GTF2E2: variants seen among roughly 807,000 people sequenced by gnomAD.
The protein encoded by GTF2E2 is transcription initiation factor IIE subunit beta.
A neutral mutation model predicts 40.5 loss-of-function variants in GTF2E2; 21 were observed. That is an observed-to-expected ratio of 0.52 (90% CI 0.37 to 0.75). The LOEUF (loss-of-function observed/expected upper bound fraction) is 0.75. Among genes scored for constraint, GTF2E2 ranks in the 30% least tolerant of loss-of-function variants. GTF2E2 has a pLI of 0.00. For synonymous variants in GTF2E2, 117 were observed against 121.6 expected (o/e 0.96, Z 0.25); for missense variants, 298 against 338.4 (o/e 0.88, Z 0.94).
chr8:30,653,341 T>C (rs1202757849), intron 2 of GTF2E2, 92 bp downstream of exon 2: 7 of 895,148 alleles, frequency 7.8e-6, no homozygotes, highest in Non-Finnish European at 1.2e-5. Context: ...TCAACATGAG[T>C]GCTGAACTGA....
intron 2 of GTF2E2, among the ~76,000 whole-genome samples, chr8:30,651,640 T>C (rs1444028743): frequency 2.0e-5 from 3 of 152,202 alleles, no homozygotes; most frequent in Non-Finnish European, 4.4e-5. Flanking sequence ...GATCTAATAT[T>C]GTTAAGATGG....
chr8:30,638,677 T>C (rs528920863), intron 2 of GTF2E2: 1 of 152,724 alleles, frequency 6.5e-6, no homozygotes, highest in Non-Finnish European at 1.5e-5. Context: ...GTGGTACATG[T>C]CCTTATGATG....
chr8:30,625,516 G>C (rs571271485), intron 3 of GTF2E2, among the ~76,000 whole-genome samples: 2 of 152,192 alleles, frequency 1.3e-5, no homozygotes, highest in East Asian at 1.9e-4. Context: ...GGCAACGACC[G>C]AACAGCCAAA....
At chr8:30,642,692 C>T (rs948511523) in intron 2 of GTF2E2, among the ~76,000 whole-genome samples, 8 of 152,328 alleles carry the variant, frequency 5.3e-5, no homozygotes, top group African/African-American at 1.9e-4. Context: ...TATACACTAT[C>T]CTACACCTTG....
At chr8:30,644,635 C>T (rs527620912) in intron 2 of GTF2E2, 1 of 152,178 alleles carries the variant, frequency 6.6e-6, no homozygotes, top group African/African-American at 2.4e-5. Context: ...AGAACATAAC[C>T]TTAAAACGCC....
chr8:30,583,822 T>C (rs1828589491), intron 6 of GTF2E2, among the ~76,000 whole-genome samples: 1 of 152,082 alleles, frequency 6.6e-6, no homozygotes, highest in South Asian at 2.1e-4. Flanking sequence ...TTTATTTATT[T>C]TGAGATGGAG....
chr8:30,588,490 T>C (rs1488807537), intron 6 of GTF2E2, among the ~76,000 whole-genome samples: 1 of 152,204 alleles, frequency 6.6e-6, no homozygotes, highest in Non-Finnish European at 1.5e-5. Flanking sequence ...ACCGCATGTT[T>C]TCACCTCTAC....
intron 2 of GTF2E2, among the ~76,000 whole-genome samples, chr8:30,639,045 C>T (rs535467491): frequency 6.6e-6 from 1 of 152,260 alleles, no homozygotes; most frequent in African/African-American, 2.4e-5. Context: ...CAGACTAAAG[C>T]TTTCTGATTC....
intron 6 of GTF2E2, among the ~76,000 whole-genome samples, chr8:30,593,979 G>A (rs2151114166): frequency 6.6e-6 from 1 of 152,114 alleles, no homozygotes; most frequent in Non-Finnish European, 1.5e-5. Flanking sequence ...CACCCAGGCT[G>A]GAGTGCAGTG....
At chr8:30,602,548 G>A (rs1010950192) in intron 6 of GTF2E2, among the ~76,000 whole-genome samples, 15 of 152,046 alleles carry the variant, frequency 9.9e-5, no homozygotes, top group Middle Eastern at 3.4e-3. Context: ...CCTGAGGTCG[G>A]GAGTCTGAGA....
chr8:30,601,503 C>T (rs961175809), intron 6 of GTF2E2, among the ~76,000 whole-genome samples: 17 of 152,098 alleles, frequency 1.1e-4, no homozygotes, highest in African/African-American at 2.9e-4. Context: ...GCCAAGGATG[C>T]TGATCAATGC....
chr8:30,619,890 G>A (rs1380784711), intron 3 of GTF2E2, among the ~76,000 whole-genome samples: 1 of 151,972 alleles, frequency 6.6e-6, no homozygotes, highest in African/African-American at 2.4e-5. Flanking sequence ...ATTAAACCAA[G>A]GATCCAGAGA....
chr8:30,615,984 T>C (rs1457281934), intron 3 of GTF2E2, among the ~76,000 whole-genome samples: 1 of 152,130 alleles, frequency 6.6e-6, no homozygotes, highest in South Asian at 2.1e-4. Flanking sequence ...TGGAATACTA[T>C]CCAGTGCTAA....
intron 3 of GTF2E2, among the ~76,000 whole-genome samples, chr8:30,621,619 T>G (rs1801104858): frequency 6.6e-6 from 1 of 152,102 alleles, no homozygotes; most frequent in South Asian, 2.1e-4. Context: ...GTGTGCTGCC[T>G]TTCGTACTTT....
At chr8:30,655,340 C>T (rs1205127301) in intron 1 of GTF2E2, among the ~76,000 whole-genome samples, 1 of 152,150 alleles carries the variant, frequency 6.6e-6, no homozygotes, top group Non-Finnish European at 1.5e-5. Flanking sequence ...TACAGGTCAA[C>T]CAACAAGAAT....
At chr8:30,580,816 G>A (rs1368540500) in intron 6 of GTF2E2, among the ~76,000 whole-genome samples, 4 of 151,650 alleles carry the variant, frequency 2.6e-5, no homozygotes, top group Non-Finnish European at 5.9e-5. Flanking sequence ...AGTTTCACAT[G>A]GAAATGAGGT....
At chr8:30,633,146 C>G (rs763196388) in intron 3 of GTF2E2, among the ~76,000 whole-genome samples, 1 of 151,912 alleles carries the variant, frequency 6.6e-6, no homozygotes, top group Non-Finnish European at 1.5e-5. Flanking sequence ...TAGAGCTTTA[C>G]GGTCATAGGA....
intron 6 of GTF2E2, among the ~76,000 whole-genome samples, chr8:30,590,225 C>T (rs755964697): frequency 1.3e-5 from 2 of 152,142 alleles, no homozygotes; most frequent in East Asian, 3.8e-4. Flanking sequence ...TCATGAGGCA[C>T]GATGCCTCTG....
chr8:30,612,952 C>T (rs911880846), intron 4 of GTF2E2, among the ~76,000 whole-genome samples: 1 of 152,206 alleles, frequency 6.6e-6, no homozygotes, highest in Non-Finnish European at 1.5e-5. Context: ...GCCTAAAATC[C>T]TGGACATCCA....
Sources: allele counts gnomAD v4.1 joint callset (sites outside exome capture counted in the v4.1 genomes callset), GRCh38; gene constraint gnomAD v4.1.1; transcripts MANE v1.5; gene names NCBI Gene and HGNC (gene_info 2026-07-23, HGNC 2026-07-21).